The following CDIN1 variants were observed in gnomAD, a reference collection of about 807,000 sequenced individuals.
CDIN1 encodes the protein CDAN1-interacting nuclease 1.
A neutral mutation model predicts 45.3 loss-of-function variants in CDIN1; 33 were observed. The ratio of observed to expected loss-of-function variants is 0.73; its 90% confidence interval spans 0.55 to 0.97. The LOEUF (loss-of-function observed/expected upper bound fraction) is 0.97, where lower values mean the gene tolerates loss of function less well. Ranked by LOEUF, CDIN1 falls within the 50% of genes least tolerant of loss-of-function variation. The pLI is 0.00. For missense variants in CDIN1, 303 were observed against 339.4 expected, an observed-to-expected ratio of 0.89 and a Z score of 0.84; for synonymous variants, 118 against 124.4, an observed-to-expected ratio of 0.95 and a Z score of 0.34.
chr15:36,644,257 T>C (rs4924090), intron 1 of CDIN1, 21 bp from the exon 2 acceptor site: 1 of 1,612,868 alleles, frequency 6.2e-7, no homozygotes, highest in Non-Finnish European at 8.5e-7. Flanking sequence ...ATTAACTTTG[T>C]CCTTCTTTTA....
At chr15:36,607,701 TTATGGA>T (rs1423260579) in intron 1 of CDIN1, among the ~76,000 whole-genome samples, 10 of 152,222 alleles carry the variant, frequency 6.6e-5, no homozygotes, top group African/African-American at 2.4e-4. Context: ...TTATAACCTG[TTATGGA>T]TATGCAATTC....
rs1389987343 is a variant in CDIN1 at position 36,808,626 on chromosome 15, T to C, written c.*173T>C. 1.1e-6 allele frequency: 1 copy of C among 883,990 alleles called. No homozygotes were observed. The highest frequency in any genetic ancestry group is 1.7e-6 in the Non-Finnish European group (1 of 593,142). 54.8% of individuals were successfully genotyped at this position (883,990 alleles called of 1,614,324 possible). On this transcript the variant is annotated 3_prime_UTR_variant, in exon 11 of 11. Transcript: ENST00000566621. ...AACATATCAAGAGTTTCTGTTTTCC[T>C]TCATCCCTTGCTGATGTGAACAGCC...
chr15:36,586,607 T>C (rs554647697), intron 1 of CDIN1, among the ~76,000 whole-genome samples: 1 of 152,116 alleles, frequency 6.6e-6, no homozygotes, highest in Non-Finnish European at 1.5e-5. Context: ...AACAACAAAA[T>C]AGCTGGGCAC....
intron 8 of CDIN1, 181 bp from the exon 9 acceptor site, chr15:36,709,042 A>G (rs1461142041): frequency 4.7e-6 from 2 of 428,678 alleles, no homozygotes; most frequent in Admixed American, 8.3e-5. Context: ...TATCTGAAGC[A>G]TATTTACGCT....
intron 5 of CDIN1, among the ~76,000 whole-genome samples, chr15:36,690,653 A>T (rs894909395): frequency 6.6e-6 from 1 of 152,200 alleles, no homozygotes; most frequent in Non-Finnish European, 1.5e-5. Context: ...GTTAGACCCG[A>T]AATTATCTCA....
intron 10 of CDIN1, among the ~76,000 whole-genome samples, chr15:36,752,629 G>A (rs948821204): frequency 6.6e-6 from 1 of 152,136 alleles, no homozygotes; most frequent in Admixed American, 6.6e-5. Flanking sequence ...CTGTGTGACT[G>A]AATAAACATT....
At chr15:36,762,074 A>C (rs560092447) in intron 10 of CDIN1, among the ~76,000 whole-genome samples, 1 of 152,146 alleles carries the variant, frequency 6.6e-6, no homozygotes, top group African/African-American at 2.4e-5. Context: ...GTTTCCTATC[A>C]TATCTAGAGA....
At chr15:36,734,232 CAAATT>C (rs2043934162) in intron 10 of CDIN1, 1 of 234,434 alleles carries the variant, frequency 4.3e-6, no homozygotes, top group South Asian at 5.3e-5. Context: ...TCCTTTTACC[CAAATT>C]AAAGTTTAAA....
At chr15:36,661,686 C>T (rs751310333) in intron 5 of CDIN1, among the ~76,000 whole-genome samples, 1 of 152,030 alleles carries the variant, frequency 6.6e-6, no homozygotes, top group Non-Finnish European at 1.5e-5. Flanking sequence ...GTTCAATGCT[C>T]CCTGATTTTA....
At chr15:36,801,630 C>T (rs1266266314) in intron 10 of CDIN1, among the ~76,000 whole-genome samples, 3 of 152,098 alleles carry the variant, frequency 2.0e-5, no homozygotes, top group Non-Finnish European at 4.4e-5. Flanking sequence ...TGGCAGTGTT[C>T]TGGATTTACT....
chr15:36,771,226 T>C (rs1434380136), intron 10 of CDIN1, among the ~76,000 whole-genome samples: 2 of 152,128 alleles, frequency 1.3e-5, no homozygotes, highest in Non-Finnish European at 2.9e-5. Flanking sequence ...AGGGAAGGGA[T>C]AGCATTAGGA....
chr15:36,735,434 A>G (rs1398873119), intron 10 of CDIN1, among the ~76,000 whole-genome samples: 2 of 152,102 alleles, frequency 1.3e-5, no homozygotes, highest in African/African-American at 4.8e-5. Context: ...TTATCATTCT[A>G]TCATATCAGT....
At chr15:36,781,375 A>T (rs2054348007) in intron 10 of CDIN1, among the ~76,000 whole-genome samples, 1 of 152,202 alleles carries the variant, frequency 6.6e-6, no homozygotes, top group Non-Finnish European at 1.5e-5. Flanking sequence ...TCATTTACAG[A>T]TGAGGAAAAA....
At position 36,655,546 on chromosome 15, in the gene CDIN1, T is replaced by C. The variant is rs540889930; in HGVS notation, c.273+1388T>C. Among the ~76,000 whole-genome samples, 3 of 152,232 alleles carry C rather than the reference T, an allele frequency of 2.0e-5. No homozygotes were observed. In the South Asian group the frequency reaches 6.2e-4, roughly 32 times the overall value. ...TTCATCATGTTGGCCAGGATGGTCTTGATCTCCTGACCTTGTGGTCCACCT... is the reference window on the plus strand; with the variant it reads ...TTCATCATGTTGGCCAGGATGGTCTCGATCTCCTGACCTTGTGGTCCACCT... On this transcript the variant is annotated intron_variant, in intron 4 of 10. Coordinates refer to ENST00000566621, the MANE Select transcript of CDIN1 (RefSeq NM_001321759.2).
intron 1 of CDIN1, among the ~76,000 whole-genome samples, chr15:36,586,192 GTT>G (rs10691719): frequency 4.3e-5 from 6 of 140,212 alleles, no homozygotes; most frequent in Admixed American, 7.1e-5. Flanking sequence ...TTACCTTTGA[GTT>G]TTTTTTTTTT....
At chr15:36,594,206 A>G (rs941210925) in intron 1 of CDIN1, among the ~76,000 whole-genome samples, 1 of 152,216 alleles carries the variant, frequency 6.6e-6, no homozygotes, top group Non-Finnish European at 1.5e-5. Flanking sequence ...GACCTACTTC[A>G]GTTAAACTGC....
intron 1 of CDIN1, chr15:36,627,713 C>T (rs966292666): frequency 6.6e-6 from 1 of 152,362 alleles, no homozygotes; most frequent in Non-Finnish European, 1.5e-5. Flanking sequence ...CCAGCACTGC[C>T]TGGCACATTA....
chr15:36,638,677 T>C (rs1404757147), intron 1 of CDIN1, among the ~76,000 whole-genome samples: 1 of 152,226 alleles, frequency 6.6e-6, no homozygotes, highest in African/African-American at 2.4e-5. Context: ...AACAACATTT[T>C]TTATGAAGTT....
intron 1 of CDIN1, among the ~76,000 whole-genome samples, chr15:36,592,895 C>T (rs1327455017): frequency 6.6e-6 from 1 of 152,032 alleles, no homozygotes; most frequent in Non-Finnish European, 1.5e-5. Flanking sequence ...TAGTGGTACA[C>T]CCGAGGGTTT....
Sources: allele counts gnomAD v4.1 joint callset (sites outside exome capture counted in the v4.1 genomes callset), GRCh38; gene constraint gnomAD v4.1.1; transcripts MANE v1.5; gene names NCBI Gene and HGNC (gene_info 2026-07-23, HGNC 2026-07-21).